Variants in CCDC148 observed in about 807,000 individuals in gnomAD.
The protein encoded by CCDC148 is coiled-coil domain-containing protein 148.
CCDC148 carries 89 observed loss-of-function variants against 85.7 expected under a neutral mutation model. The observed-to-expected ratio is 1.04, with a 90% confidence interval of 0.87 to 1.24. The LOEUF is 1.24. CCDC148 is among the 50% of genes most tolerant of loss of function. The probability of loss-of-function intolerance (pLI) is 0.00; values close to 1 mark genes in which losing one functional copy is unlikely to be tolerated. For synonymous variants in CCDC148, 230 were observed against 213.9 expected, an observed-to-expected ratio of 1.08 and a Z score of -0.66; for missense variants, 692 against 671.7, an observed-to-expected ratio of 1.03 and a Z score of -0.33.
chr2:158,283,592 G>C (rs1442977867), intron 9 of CCDC148, among the ~76,000 whole-genome samples: 1 of 152,190 alleles, frequency 6.6e-6, no homozygotes, highest in East Asian at 1.9e-4. Flanking sequence ...TCTCACAACA[G>C]TTAGAATGGC....
intron 11 of CCDC148, among the ~76,000 whole-genome samples, chr2:158,180,028 G>A (rs1322328451): frequency 1.3e-5 from 2 of 152,072 alleles, no homozygotes; most frequent in African/African-American, 4.8e-5. Context: ...TACTTCTACT[G>A]AATTATAGAG....
Position 158,367,254 on chromosome 2 carries a change from G to A in CCDC148, c.26-8684C>T, listed in dbSNP as rs112261484. Among the ~76,000 whole-genome samples, 399 of 152,222 alleles carry A rather than the reference G, an allele frequency of 2.6e-3. 3 individuals are homozygous for A. The highest frequency in any genetic ancestry group is 3.6e-3 in the Non-Finnish European group (245 of 68,010). ...ATAACACAAGTACCAGGCAAAGCAC[G>A]CCTCCAGAAATAAATCTATGCTGGT... On this transcript the variant is annotated intron_variant, in intron 1 of 13. Transcript: ENST00000283233.
At chr2:158,200,112 G>C (rs781203720) in intron 11 of CCDC148, among the ~76,000 whole-genome samples, 3 of 152,164 alleles carry the variant, frequency 2.0e-5, no homozygotes, top group Non-Finnish European at 4.4e-5. Context: ...GACAGGGCTG[G>C]TGACACAGAG....
At chr2:158,346,356 T>G (rs1682992964) in intron 2 of CCDC148, among the ~76,000 whole-genome samples, 1 of 152,212 alleles carries the variant, frequency 6.6e-6, no homozygotes. Flanking sequence ...CCCCAACTTT[T>G]CTCTGAACAG....
At chr2:158,434,947 A>C (rs1027503444) in intron 1 of CCDC148, among the ~76,000 whole-genome samples, 4 of 152,230 alleles carry the variant, frequency 2.6e-5, no homozygotes, top group Non-Finnish European at 4.4e-5. Flanking sequence ...AAAAGAAATG[A>C]ACAAAGCCTC....
At chr2:158,279,387 A>G (rs551524859) in intron 9 of CCDC148, among the ~76,000 whole-genome samples, 2 of 152,328 alleles carry the variant, frequency 1.3e-5, no homozygotes, top group South Asian at 4.1e-4. Flanking sequence ...AAAAAAATTT[A>G]GATGAATGTA....
chr2:158,234,932 C>A (rs78200986), intron 10 of CCDC148, among the ~76,000 whole-genome samples: 1 of 151,978 alleles, frequency 6.6e-6, no homozygotes, highest in African/African-American at 2.4e-5. Context: ...AAATTATCTA[C>A]AATGGACATA....
At chr2:158,359,894 A>G (rs1259180447) in intron 1 of CCDC148, among the ~76,000 whole-genome samples, 1 of 152,156 alleles carries the variant, frequency 6.6e-6, no homozygotes, top group Non-Finnish European at 1.5e-5. Context: ...GATCCCACCC[A>G]TATGGAGCCC....
chr2:158,424,860 A>G, intron 1 of CCDC148: 2 of 190,944 alleles, frequency 1.0e-5, no homozygotes, highest in Non-Finnish European at 1.1e-5. Flanking sequence ...AAAAACAAAT[A>G]AAAGAAGATT....
chr2:158,299,084 A>G (rs892263856), intron 9 of CCDC148, among the ~76,000 whole-genome samples: 1 of 151,978 alleles, frequency 6.6e-6, no homozygotes, highest in Non-Finnish European at 1.5e-5. Context: ...GTCTGTTTCT[A>G]TTTTCTTTAT....
At chr2:158,423,514 T>C (rs1027922220) in intron 1 of CCDC148, among the ~76,000 whole-genome samples, 14 of 152,314 alleles carry the variant, frequency 9.2e-5, no homozygotes, top group Admixed American at 1.3e-4. Context: ...GCTAGCCATA[T>C]GTAGAAAGCT....
In CCDC148 at chr2:158,309,434, T is replaced by A. The variant is rs759800119; in HGVS notation, c.1109A>T (p.Lys370Met). 1 of 1,612,676 alleles carries A rather than the reference T, an allele frequency of 6.2e-7. No homozygotes were observed. Among genetic ancestry groups the A allele is most frequent in the South Asian group, 1.1e-5 (1 of 90,834 alleles). Residue 370 changes from lysine to methionine, a missense_variant and splice_region_variant, in exon 9 of 14, where the codon AAG becomes ATG. Coordinates refer to ENST00000283233, the MANE Select transcript of CCDC148 (RefSeq NM_138803.4). ...QQELCADLKA[K>M]VRQWRAHQEE... ...TGAAACACCTGTGCAGCATCTTACC[T>A]TGGCTTTCAGATCAGCACACAATTC...
intron 2 of CCDC148, among the ~76,000 whole-genome samples, chr2:158,357,343 T>C (rs1016251784): frequency 6.6e-6 from 1 of 151,780 alleles, no homozygotes; most frequent in Non-Finnish European, 1.5e-5. Context: ...TCAAGGCAAA[T>C]AGTAGGCACA....
At chr2:158,315,994 G>GC (rs1692265174) in intron 7 of CCDC148, among the ~76,000 whole-genome samples, 1 of 152,090 alleles carries the variant, frequency 6.6e-6, no homozygotes, top group Non-Finnish European at 1.5e-5. Context: ...TTCCTTCACA[G>GC]CCCTCCCTCT....
chr2:158,233,420 T>C (rs1419225678), intron 10 of CCDC148, among the ~76,000 whole-genome samples: 2 of 151,666 alleles, frequency 1.3e-5, no homozygotes, highest in Non-Finnish European at 2.9e-5. Flanking sequence ...TTTTGCCACA[T>C]AGTTTTTACA....
At chr2:158,356,640 A>C (rs200046208) in intron 2 of CCDC148, among the ~76,000 whole-genome samples, 24,968 of 145,960 alleles carry the variant, frequency 0.17, 2,758 homozygotes, top group Non-Finnish European at 0.25. Flanking sequence ...GTGGGACTGT[A>C]AACTAGTTCA....
At chr2:158,441,154 G>C (rs892546609) in intron 1 of CCDC148, among the ~76,000 whole-genome samples, 1 of 152,186 alleles carries the variant, frequency 6.6e-6, no homozygotes, top group Non-Finnish European at 1.5e-5. Flanking sequence ...TCCAGGGAAA[G>C]ATAGCTTGAA....
intron 10 of CCDC148, chr2:158,235,916 G>A (rs762853517): frequency 6.6e-6 from 1 of 152,258 alleles, no homozygotes; most frequent in Non-Finnish European, 1.5e-5. Context: ...TGCAGGGCAA[G>A]GAGCTGCAGA....
intron 9 of CCDC148, among the ~76,000 whole-genome samples, chr2:158,295,941 G>T (rs1029003553): frequency 5.9e-5 from 9 of 152,098 alleles, no homozygotes; most frequent in Admixed American, 4.6e-4. Flanking sequence ...AATTGTCCCT[G>T]TTTTCTTATT....
Sources: allele counts gnomAD v4.1 joint callset (sites outside exome capture counted in the v4.1 genomes callset), GRCh38; gene constraint gnomAD v4.1.1; transcripts MANE v1.5; gene names NCBI Gene and HGNC (gene_info 2026-07-23, HGNC 2026-07-21).